DPY19L1: variants seen among roughly 807,000 people sequenced by gnomAD.
DPY19L1 encodes dpy-19 like C-mannosyltransferase 1.
Under a neutral mutation model 96.9 loss-of-function variants are expected in DPY19L1, and 35 were observed. The ratio of observed to expected loss-of-function variants is 0.36; its 90% CI spans 0.28 to 0.48. The LOEUF is 0.48. DPY19L1 is among the 20% of genes least tolerant of loss of function. The pLI is 0.99. For missense variants in DPY19L1, 521 were observed against 777.9 expected (o/e 0.67, Z 3.93); for synonymous variants, 205 against 252.6 (o/e 0.81, Z 1.79).
At chr7:34,990,456 T>C (rs992562815) in intron 6 of DPY19L1, among the ~76,000 whole-genome samples, 2 of 152,244 alleles carry the variant, frequency 1.3e-5, no homozygotes, top group Non-Finnish European at 2.9e-5. Context: ...GATTTAATTT[T>C]ATATTTCCCA....
intron 7 of DPY19L1, among the ~76,000 whole-genome samples, chr7:34,985,277 T>C (rs1785023312): frequency 6.6e-6 from 1 of 152,114 alleles, no homozygotes; most frequent in African/African-American, 2.4e-5. Context: ...CAATGATTTC[T>C]TGGATAAGAC....
chr7:34,999,957 G>A (rs574375151), intron 6 of DPY19L1, among the ~76,000 whole-genome samples: 2 of 152,258 alleles, frequency 1.3e-5, no homozygotes, highest in South Asian at 4.1e-4. Context: ...GCTTTCCCTA[G>A]ACAAAGGGAT....
intron 1 of DPY19L1, among the ~76,000 whole-genome samples, chr7:35,021,463 T>C (rs1785993591): frequency 6.6e-6 from 1 of 152,220 alleles, no homozygotes; most frequent in Non-Finnish European, 1.5e-5. Context: ...GCCCAATGTT[T>C]TGAATTCCTT....
chr7:34,941,491 A>G (rs937251147), intron 18 of DPY19L1, among the ~76,000 whole-genome samples: 2 of 152,232 alleles, frequency 1.3e-5, no homozygotes, highest in Non-Finnish European at 2.9e-5. Flanking sequence ...TATTTGTACA[A>G]TTAAGCTCTG....
chr7:34,967,073 AGAGT>A (rs1254849335), intron 9 of DPY19L1, 102 bp from the exon 10 acceptor site: 10 of 801,666 alleles, frequency 1.2e-5, no homozygotes, highest in South Asian at 2.4e-5. Flanking sequence ...ATCTACACAC[AGAGT>A]GAGTTCTTCT....
In DPY19L1 at chr7:35,011,415, T is replaced by G. The variant is rs1054665871; in HGVS notation, c.585A>C (p.Lys195Asn). 6.2e-7 allele frequency: 1 copy of G among 1,612,884 alleles called. No individual in the cohort carries two copies. Among genetic ancestry groups the G allele is most frequent in the Non-Finnish European group, 8.5e-7 (1 of 1,179,582 alleles). The change falls in exon 5 of 22, where the codon AAA becomes AAC. Residue 195 changes from lysine to asparagine, a missense_variant. Lys to Asn is a moderately conservative substitution (Grantham distance 94, BLOSUM62 0). Coordinates refer to ENST00000638088, the MANE Select transcript of DPY19L1 (RefSeq NM_001366673.1). Reference protein sequence around the residue: ...ILASWYRIYTKIMDLIGIQTK... With the variant: ...ILASWYRIYTNIMDLIGIQTK... ...TTTGAATACCAATCAAGTCCATTAT[T>G]TTGGTATAAATCCGGTACCAACTGG...
chr7:34,961,410 C>A (rs1637679), intron 10 of DPY19L1, among the ~76,000 whole-genome samples: 40,084 of 152,000 alleles, frequency 0.26, 5,508 homozygotes, highest in Non-Finnish European at 0.31. Flanking sequence ...TAGTCCTTTC[C>A]ACAAACGGTG....
At chr7:35,023,057 T>C (rs1786032878) in intron 1 of DPY19L1, among the ~76,000 whole-genome samples, 1 of 152,054 alleles carries the variant, frequency 6.6e-6, no homozygotes, top group Non-Finnish European at 1.5e-5. Flanking sequence ...CCTGGGCAAG[T>C]GGGGAGGGGA....
chr7:35,003,396 C>T (rs1269795830), intron 6 of DPY19L1, among the ~76,000 whole-genome samples: 1 of 152,184 alleles, frequency 6.6e-6, no homozygotes, highest in Non-Finnish European at 1.5e-5. Flanking sequence ...AAAATCTCCA[C>T]ATTTTATTTG....
intron 9 of DPY19L1, among the ~76,000 whole-genome samples, 157 bp downstream of exon 9, chr7:34,969,276 A>G (rs529226130): frequency 2.6e-5 from 4 of 152,086 alleles, no homozygotes; most frequent in African/African-American, 9.6e-5. Flanking sequence ...TTTGTTCAAT[A>G]TTTCTAAAAA....
chr7:35,011,132 A>T (rs184814613), intron 5 of DPY19L1, among the ~76,000 whole-genome samples, 198 bp downstream of exon 5: 9 of 152,340 alleles, frequency 5.9e-5, no homozygotes, highest in Admixed American at 2.0e-4. Context: ...TTTGAGTCTT[A>T]GTAGCAGAGG....
chr7:34,962,743 C>G (rs542222104), intron 10 of DPY19L1, among the ~76,000 whole-genome samples: 5 of 152,016 alleles, frequency 3.3e-5, no homozygotes, highest in African/African-American at 1.2e-4. Context: ...AAAGTGAGGC[C>G]TAACGTAAAC....
intron 6 of DPY19L1, among the ~76,000 whole-genome samples, chr7:34,990,433 T>C (rs1785142646): frequency 6.6e-6 from 1 of 152,200 alleles, no homozygotes; most frequent in African/African-American, 2.4e-5. Flanking sequence ...ACAAGGCACT[T>C]CCACACATTA....
rs1784179805 is a variant in DPY19L1, at chr7:34,947,693, C to G, written c.1431G>C (p.Leu477=). 6.2e-7 allele frequency: 1 copy of G among 1,608,534 alleles called. No homozygotes were observed. ...GAAGCAATAATGTCTTTGTGTATCT[C>G]AGTGGAGTCTGAAATTCAAAGAGAT... ...EFDFMEKETP[L]RYTKTLLLPV... The change falls in exon 15 of 22, where the codon CTG becomes CTC. Residue 477 remains leucine (L), a synonymous_variant. Coordinates refer to ENST00000638088, the MANE Select transcript of DPY19L1 (RefSeq NM_001366673.1).
At chr7:35,000,125 TAGAA>T (rs1422216689) in intron 6 of DPY19L1, among the ~76,000 whole-genome samples, 1 of 152,204 alleles carries the variant, frequency 6.6e-6, no homozygotes, top group African/African-American at 2.4e-5. Context: ...AGCACATTAA[TAGAA>T]AGAAAGTTGT....
intron 10 of DPY19L1, among the ~76,000 whole-genome samples, chr7:34,958,955 T>G (rs1281910381): frequency 6.6e-6 from 1 of 151,982 alleles, no homozygotes; most frequent in Non-Finnish European, 1.5e-5. Context: ...CCTTAACAGC[T>G]CTCTTCATAT....
intron 7 of DPY19L1, among the ~76,000 whole-genome samples, 193 bp from the exon 8 acceptor site, chr7:34,973,798 G>A (rs1784777731): frequency 6.6e-6 from 1 of 152,196 alleles, no homozygotes; most frequent in South Asian, 2.1e-4. Flanking sequence ...GACACATGTG[G>A]CTTAAGATCA....
chr7:34,994,022 C>A (rs575367259), intron 6 of DPY19L1, among the ~76,000 whole-genome samples: 2 of 152,046 alleles, frequency 1.3e-5, no homozygotes, highest in Admixed American at 6.5e-5. Flanking sequence ...GCTGAGATTG[C>A]GCCGTGGCAC....
Position 34,973,625 on chromosome 7 carries a change from G to A in DPY19L1, c.823-20C>T, listed in dbSNP as rs1459522070. 5.8e-6 allele frequency: 8 copies of A among 1,369,366 alleles called. No homozygotes were observed. Among genetic ancestry groups the A allele is most frequent in the Non-Finnish European group, 7.7e-6 (8 of 1,040,008 alleles). The allele number at this position is 1,369,366 out of a possible 1,614,324, so 84.8% of individuals were successfully genotyped here. A position where few individuals can be genotyped will look rare whatever the true frequency, so the allele number is the denominator to read the frequency against. On this transcript the variant is annotated intron_variant, in intron 7 of 21. Transcript: ENST00000638088. ...GGTACACTGAAAAAAAAAATTTGTA[G>A]TATAGTATACTTGCTAAATTTACTA...
Sources: gnomAD v4.1 joint callset for allele counts (sites outside exome capture counted in the v4.1 genomes callset) on GRCh38, gnomAD v4.1.1 for gene constraint, MANE v1.5 for transcripts, NCBI Gene and HGNC (gene_info 2026-07-23, HGNC 2026-07-21) for gene names.